The following PHACTR3 variants were observed in gnomAD, a reference collection of about 807,000 sequenced individuals.
PHACTR3 encodes protein phosphatase 1, regulatory subunit 123.
Under a neutral mutation model 66.8 loss-of-function variants are expected in PHACTR3, and 16 were observed. The ratio of observed to expected loss-of-function variants is 0.24; its 90% CI spans 0.16 to 0.36. PHACTR3 has a LOEUF of 0.36. Ranked by LOEUF, PHACTR3 falls within the 10% of genes least tolerant of loss-of-function variation. The pLI is 1.00. For synonymous variants in PHACTR3, 323 were observed against 292.1 expected (o/e 1.11, Z -1.08); for missense variants, 647 against 719.9 (o/e 0.90, Z 1.16).
chr20:59,589,963 G>A (rs1023001977), intron 1 of PHACTR3, among the ~76,000 whole-genome samples: 1 of 152,238 alleles, frequency 6.6e-6, no homozygotes, highest in African/African-American at 2.4e-5. Context: ...CCGCCGTCGT[G>A]GAGTCTAGGC....
chr20:59,740,778 G>A (rs1423457428), intron 1 of PHACTR3, among the ~76,000 whole-genome samples: 1 of 152,226 alleles, frequency 6.6e-6, no homozygotes, highest in African/African-American at 2.4e-5. Flanking sequence ...CCCCGTGGAA[G>A]CTCTAGAGGC....
At chr20:59,788,014 G>A (rs916463203) in intron 7 of PHACTR3, among the ~76,000 whole-genome samples, 41 of 152,132 alleles carry the variant, frequency 2.7e-4, no homozygotes, top group Non-Finnish European at 7.4e-5. Flanking sequence ...ATTTGCTTAT[G>A]TGAGTAAGTT....
chr20:59,657,257 T>G (rs1036384252), intron 1 of PHACTR3, among the ~76,000 whole-genome samples: 9 of 150,102 alleles, frequency 6.0e-5, no homozygotes, highest in Non-Finnish European at 1.3e-4. Flanking sequence ...TAGAAGTGTG[T>G]TGTGTGTGTG....
At chr20:59,771,675 T>C (rs1411874487) in intron 5 of PHACTR3, among the ~76,000 whole-genome samples, 1 of 152,156 alleles carries the variant, frequency 6.6e-6, no homozygotes, top group Non-Finnish European at 1.5e-5. Context: ...TCTCTTTCTG[T>C]CTGCCTGGCC....
intron 1 of PHACTR3, among the ~76,000 whole-genome samples, chr20:59,652,532 T>G (rs1449614596): frequency 1.3e-5 from 2 of 152,186 alleles, no homozygotes; most frequent in Non-Finnish European, 2.9e-5. Context: ...CACTCCAGCC[T>G]GGGCAACAGA....
At chr20:59,703,185 A>G (rs942786756) in intron 1 of PHACTR3, among the ~76,000 whole-genome samples, 1 of 152,176 alleles carries the variant, frequency 6.6e-6, no homozygotes, top group East Asian at 1.9e-4. Flanking sequence ...CAGTACTTCC[A>G]AGCATGAATA....
intron 1 of PHACTR3, among the ~76,000 whole-genome samples, chr20:59,710,618 C>G (rs965939459): frequency 1.3e-5 from 2 of 151,728 alleles, no homozygotes; most frequent in Non-Finnish European, 1.5e-5. Flanking sequence ...TCTACAGAGC[C>G]TTCCCCTCTG....
chr20:59,819,851 G>A (rs894961689), intron 8 of PHACTR3, among the ~76,000 whole-genome samples: 1 of 152,142 alleles, frequency 6.6e-6, no homozygotes, highest in Admixed American at 6.5e-5. Flanking sequence ...TGGTTGGGCC[G>A]GTGCTGTACC....
intron 1 of PHACTR3, among the ~76,000 whole-genome samples, chr20:59,639,802 A>G (rs1471088658): frequency 6.6e-6 from 1 of 151,978 alleles, no homozygotes; most frequent in African/African-American, 2.4e-5. Flanking sequence ...CCATTTTACT[A>G]CCTTCATTTC....
intron 5 of PHACTR3, among the ~76,000 whole-genome samples, chr20:59,772,501 G>C (rs993704245): frequency 6.6e-6 from 1 of 152,216 alleles, no homozygotes; most frequent in Admixed American, 6.5e-5. Flanking sequence ...TCTGATCATG[G>C]CCTCTCTAAG....
chr20:59,642,629 A>G (rs79120332), intron 1 of PHACTR3, among the ~76,000 whole-genome samples: 1 of 152,160 alleles, frequency 6.6e-6, no homozygotes, highest in East Asian at 1.9e-4. Flanking sequence ...TTCTGCTTTC[A>G]TTGGAAACTG....
At chr20:59,836,926 G>A (rs1002497279) in intron 9 of PHACTR3, among the ~76,000 whole-genome samples, 5 of 152,230 alleles carry the variant, frequency 3.3e-5, no homozygotes, top group East Asian at 3.9e-4. Flanking sequence ...AGAAGGACAC[G>A]CCCCTTGCCT....
At chr20:59,832,104 C>A (rs1253988013) in intron 8 of PHACTR3, among the ~76,000 whole-genome samples, 2 of 152,152 alleles carry the variant, frequency 1.3e-5, no homozygotes, top group African/African-American at 4.8e-5. Flanking sequence ...CTGGCTAGTT[C>A]CTGCCAGCTG....
At position 59,830,226 on chromosome 20, in the gene PHACTR3, A is replaced by C. The variant is rs957216781; in HGVS notation, c.1329-6279A>C. On this transcript the variant is annotated intron_variant, in intron 8 of 12. Transcript: ENST00000371015. The surrounding 1 kb of genome is among the most constrained non-coding windows in gnomAD (Gnocchi z 5.8). ...TGAGTGTCTGATAGAAGAGGGCGTG[A>C]GTGTCTGATGGAAGAGGGTATGAGT... is the stretch of plus-strand genomic sequence containing the variant. Among the ~76,000 whole-genome samples the C allele has an allele frequency of 6.6e-6, 1 of 151,948 alleles. No homozygotes were observed. The highest frequency in any genetic ancestry group is 2.4e-5 in the African/African-American group (1 of 41,340).
At chr20:59,616,638 C>T (rs563061151) in intron 1 of PHACTR3, among the ~76,000 whole-genome samples, 123 of 152,306 alleles carry the variant, frequency 8.1e-4, no homozygotes, top group African/African-American at 2.6e-3. Context: ...CCAGCTGGGA[C>T]GTGAGGCTGT....
chr20:59,739,533 A>G (rs1184137548), intron 1 of PHACTR3, among the ~76,000 whole-genome samples: 2 of 152,126 alleles, frequency 1.3e-5, no homozygotes, highest in Non-Finnish European at 2.9e-5. Flanking sequence ...AGGCAGCAGG[A>G]AGGAGAAGTG....
intron 8 of PHACTR3, among the ~76,000 whole-genome samples, chr20:59,831,169 C>A (rs554711900): frequency 6.6e-6 from 1 of 152,292 alleles, no homozygotes; most frequent in East Asian, 1.9e-4. Context: ...TGGCTGGTGC[C>A]CCCTTGGCCC....
intron 4 of PHACTR3, among the ~76,000 whole-genome samples, chr20:59,764,695 G>A (rs1487794351): frequency 6.6e-6 from 1 of 152,122 alleles, no homozygotes; most frequent in Non-Finnish European, 1.5e-5. Flanking sequence ...AAATGTGCTG[G>A]GTGACCAGTA....
At chr20:59,631,196 T>C (rs1276078081) in intron 1 of PHACTR3, among the ~76,000 whole-genome samples, 1 of 152,240 alleles carries the variant, frequency 6.6e-6, no homozygotes, top group East Asian at 1.9e-4. Context: ...TTGGTTGCCA[T>C]AATTATCAAG....
Sources: gnomAD v4.1 joint callset for allele counts (sites outside exome capture counted in the v4.1 genomes callset) on GRCh38, gnomAD v4.1.1 for gene constraint, Gnocchi (gnomAD v3.1) non-coding constraint, MANE v1.5 for transcripts, NCBI Gene and HGNC (gene_info 2026-07-23, HGNC 2026-07-21) for gene names.